CAMSAP2: variants seen among roughly 807,000 people sequenced by gnomAD.
The protein encoded by CAMSAP2 is calmodulin regulated spectrin associated protein family member 2, also known as calmodulin-regulated spectrin-associated protein 2.
Under a neutral mutation model 146.1 loss-of-function variants are expected in CAMSAP2, and 26 were observed. The observed-to-expected ratio is 0.18, with a 90% CI of 0.13 to 0.25. The LOEUF is 0.25. Among genes scored for constraint, CAMSAP2 ranks in the 10% least tolerant of loss-of-function variants. The pLI is 1.00. For missense variants in CAMSAP2, 1,381 were observed against 1,759.3 expected (o/e 0.78, Z 3.85); for synonymous variants, 499 against 596.6 (o/e 0.84, Z 2.38).
intron 2 of CAMSAP2, among the ~76,000 whole-genome samples, chr1:200,771,308 GTTTAGAATTAATTTTACATTGT>G (rs751215872): frequency 4.0e-5 from 6 of 151,746 alleles, no homozygotes; most frequent in Admixed American, 6.6e-5. Flanking sequence ...TTTAAAAAAT[GTTTAGAATTAATTTTACATTGT>G]TTTAGAAAAA....
At chr1:200,778,137 C>T (rs1665333314) in intron 2 of CAMSAP2, among the ~76,000 whole-genome samples, 1 of 152,158 alleles carries the variant, frequency 6.6e-6, no homozygotes, top group South Asian at 2.1e-4. Flanking sequence ...ATCAACTCCA[C>T]AAAGAGGGGG....
chr1:200,806,836 G>T (rs1437505586), intron 2 of CAMSAP2, among the ~76,000 whole-genome samples: 1 of 151,098 alleles, frequency 6.6e-6, no homozygotes, highest in Non-Finnish European at 1.5e-5. Flanking sequence ...ATCTATCTGT[G>T]CCAAAGGCTA....
chr1:200,814,510 T>C (rs922635858), intron 3 of CAMSAP2, among the ~76,000 whole-genome samples: 1 of 146,476 alleles, frequency 6.8e-6, no homozygotes, highest in Non-Finnish European at 1.5e-5. Context: ...CTCAGGAGGT[T>C]GAGGCAGGAG....
chr1:200,744,478 G>C (rs1664265740), intron 1 of CAMSAP2, among the ~76,000 whole-genome samples: 1 of 152,170 alleles, frequency 6.6e-6, no homozygotes, highest in South Asian at 2.1e-4. Flanking sequence ...ATTTCAAGGA[G>C]AATGGTCTGA....
intron 1 of CAMSAP2, among the ~76,000 whole-genome samples, chr1:200,756,401 C>A (rs1664650020): frequency 6.6e-6 from 1 of 151,066 alleles, no homozygotes; most frequent in Admixed American, 6.6e-5. Context: ...TGCAGTGAGT[C>A]GAGATCACGT....
intron 2 of CAMSAP2, among the ~76,000 whole-genome samples, chr1:200,787,903 T>G (rs1038174963): frequency 2.6e-5 from 4 of 152,202 alleles, no homozygotes; most frequent in South Asian, 2.1e-4. Flanking sequence ...CTTGGGTGAT[T>G]GTTAGCATTT....
chr1:200,778,561 C>T (rs914193000), intron 2 of CAMSAP2, among the ~76,000 whole-genome samples: 3 of 152,058 alleles, frequency 2.0e-5, no homozygotes, highest in Non-Finnish European at 4.4e-5. Flanking sequence ...GATCATTTGA[C>T]TTTCCTCTCT....
chr1:200,809,232 C>A (rs1666262188), intron 3 of CAMSAP2, among the ~76,000 whole-genome samples: 1 of 152,212 alleles, frequency 6.6e-6, no homozygotes, highest in African/African-American at 2.4e-5. Flanking sequence ...TTTATACTAG[C>A]AAATCTGTAA....
At chr1:200,828,745 G>A in intron 4 of CAMSAP2, 1 of 787,042 alleles carries the variant, frequency 1.3e-6, no homozygotes, top group South Asian at 1.8e-5. Context: ...CATGTAAAAT[G>A]GAAAGATAAA....
intron 11 of CAMSAP2, among the ~76,000 whole-genome samples, chr1:200,851,817 A>G (rs1345375387): frequency 1.3e-5 from 2 of 152,220 alleles, no homozygotes; most frequent in South Asian, 4.1e-4. Context: ...ACAGTTGACA[A>G]GGAGACATTA....
intron 4 of CAMSAP2, among the ~76,000 whole-genome samples, chr1:200,817,206 AC>A (rs1412899196): frequency 2.0e-5 from 2 of 98,088 alleles, no homozygotes; most frequent in African/African-American, 8.9e-5. Flanking sequence ...GTGTGTATAC[AC>A]ACATACACAC....
chr1:200,816,694 ACACATATATGTGTATATATACACACG>A lies in CAMSAP2; in HGVS notation c.645+1064_645+1089del, dbSNP rs1345338948. On this transcript the variant is annotated intron_variant, in intron 4 of 16. Transcript: ENST00000358823. The stretch of plus-strand genomic sequence containing the variant: ...TGTATATGTGTGTATATGTACATGC[ACACATATATGTGTATATATACACACG>A]CACATATATGTGTGTACACACACAC... Among the ~76,000 whole-genome samples, 44 of 133,938 alleles carry A rather than the reference ACACATATATGTGTATATATACACACG, an allele frequency of 3.3e-4. 8 individuals are homozygous for A. Among genetic ancestry groups the A allele is most frequent in the East Asian group, 1.2e-3 (5 of 4,220 alleles). 87.9% of individuals were successfully genotyped at this position (133,938 alleles called of 152,430 possible).
intron 2 of CAMSAP2, among the ~76,000 whole-genome samples, chr1:200,793,881 C>T (rs1006755866): frequency 1.3e-5 from 2 of 152,096 alleles, no homozygotes; most frequent in Non-Finnish European, 2.9e-5. Context: ...TTTTGAAGTG[C>T]ATTCTTTATA....
chr1:200,756,991 T>G (rs1370694835), intron 1 of CAMSAP2, among the ~76,000 whole-genome samples: 4 of 152,188 alleles, frequency 2.6e-5, no homozygotes, highest in Non-Finnish European at 5.9e-5. Flanking sequence ...TTGATAACTT[T>G]AATTACTGGT....
intron 2 of CAMSAP2, among the ~76,000 whole-genome samples, chr1:200,767,949 C>T (rs1190956919): frequency 6.6e-6 from 1 of 152,100 alleles, no homozygotes; most frequent in East Asian, 1.9e-4. Context: ...ATTTGGAGCT[C>T]CAAGTTTACT....
chr1:200,787,605 A>G (rs2103028177), intron 2 of CAMSAP2, among the ~76,000 whole-genome samples: 1 of 152,336 alleles, frequency 6.6e-6, no homozygotes, highest in African/African-American at 2.4e-5. Context: ...TGAAATGACA[A>G]CAAACAATGG....
intron 2 of CAMSAP2, among the ~76,000 whole-genome samples, chr1:200,787,533 C>A (rs1444726205): frequency 6.6e-6 from 1 of 152,184 alleles, no homozygotes; most frequent in Non-Finnish European, 1.5e-5. Flanking sequence ...TTGCTTCTTA[C>A]AGATGAGCAA....
chr1:200,795,738 A>G (rs1237225666), intron 2 of CAMSAP2, among the ~76,000 whole-genome samples: 1 of 152,208 alleles, frequency 6.6e-6, no homozygotes, highest in Non-Finnish European at 1.5e-5. Flanking sequence ...TAGTGTGATT[A>G]TTACCAAATG....
At chr1:200,750,957 C>T (rs1664488748) in intron 1 of CAMSAP2, among the ~76,000 whole-genome samples, 1 of 134,728 alleles carries the variant, frequency 7.4e-6, no homozygotes, top group South Asian at 2.3e-4. Context: ...GGCTGGAATG[C>T]AGTGGCACGA....
Sources: gnomAD v4.1 joint callset for allele counts (sites outside exome capture counted in the v4.1 genomes callset) on GRCh38, gnomAD v4.1.1 for gene constraint, MANE v1.5 for transcripts, NCBI Gene and HGNC (gene_info 2026-07-23, HGNC 2026-07-21) for gene names.